Variants in IPO11 observed in about 807,000 individuals in gnomAD.
The protein encoded by IPO11 is importin 11.
In IPO11, 66 loss-of-function variants were observed where a neutral mutation model predicts 143.2. The ratio of observed to expected loss-of-function variants is 0.46; its 90% confidence interval spans 0.38 to 0.57. The LOEUF is 0.57. Among genes scored for constraint, IPO11 ranks in the 20% least tolerant of loss-of-function variants. The pLI is 0.00. For missense variants in IPO11, 1,026 were observed against 1,141.0 expected (o/e 0.90, Z 1.45); for synonymous variants, 385 against 377.8 (o/e 1.02, Z -0.22).
intron 1 of IPO11, among the ~76,000 whole-genome samples, chr5:62,423,319 G>A (rs1455361895): frequency 1.3e-5 from 2 of 152,126 alleles, no homozygotes; most frequent in Non-Finnish European, 2.9e-5. Flanking sequence ...TACATTTACT[G>A]AACATCCTTC....
At chr5:62,519,128 A>G (rs781454861) in intron 20 of IPO11, among the ~76,000 whole-genome samples, 2 of 152,206 alleles carry the variant, frequency 1.3e-5, no homozygotes, top group Non-Finnish European at 2.9e-5. Flanking sequence ...AAATAAAACA[A>G]GAAGTGTTAT....
intron 3 of IPO11, among the ~76,000 whole-genome samples, chr5:62,444,129 T>C (rs1360220868): frequency 1.3e-5 from 2 of 149,736 alleles, no homozygotes; most frequent in East Asian, 2.0e-4. Flanking sequence ...GGAGTCTCGC[T>C]CTGTTGCCCA....
At chr5:62,571,521 A>G (rs1414447839) in intron 27 of IPO11, among the ~76,000 whole-genome samples, 1 of 152,224 alleles carries the variant, frequency 6.6e-6, no homozygotes, top group Non-Finnish European at 1.5e-5. Context: ...CTTATTCAGT[A>G]GGTACATCTC....
chr5:62,556,155 A>G (rs1031549791), intron 26 of IPO11, among the ~76,000 whole-genome samples: 3 of 152,012 alleles, frequency 2.0e-5, no homozygotes, highest in Non-Finnish European at 2.9e-5. Flanking sequence ...CATCTTATTG[A>G]GTAATTAAAA....
At chr5:62,497,015 A>G (rs1185135903) in intron 16 of IPO11, among the ~76,000 whole-genome samples, 1 of 152,164 alleles carries the variant, frequency 6.6e-6, no homozygotes, top group Non-Finnish European at 1.5e-5. Flanking sequence ...CTGCTGTGTC[A>G]CAAGTATGTA....
At chr5:62,612,491 A>C (rs1241640250) in intron 29 of IPO11, among the ~76,000 whole-genome samples, 3 of 152,244 alleles carry the variant, frequency 2.0e-5, no homozygotes, top group Admixed American at 6.5e-5. Context: ...ATAATGCAAC[A>C]GATTGAATGC....
At chr5:62,579,699 A>G in intron 27 of IPO11, 2 of 1,548,584 alleles carry the variant, frequency 1.3e-6, no homozygotes, top group Non-Finnish European at 8.7e-7. Context: ...ATTCTCTTGT[A>G]GCATTGTATT....
chr5:62,526,540 C>T (rs770199869), intron 21 of IPO11: 5 of 254,464 alleles, frequency 2.0e-5, no homozygotes, highest in Non-Finnish European at 3.8e-5. Flanking sequence ...CAAAAAGTTA[C>T]TGACTTACAA....
intron 29 of IPO11, among the ~76,000 whole-genome samples, chr5:62,622,553 G>A (rs1002864689): frequency 2.0e-5 from 3 of 152,118 alleles, no homozygotes; most frequent in African/African-American, 7.2e-5. Context: ...ATATTGAAAC[G>A]TGAAGAAATA....
At chr5:62,571,031 A>G (rs1023514772) in intron 27 of IPO11, among the ~76,000 whole-genome samples, 7 of 152,272 alleles carry the variant, frequency 4.6e-5, no homozygotes, top group Admixed American at 1.3e-4. Flanking sequence ...CAACAAGGAT[A>G]ACACTAGAAA....
At chr5:62,422,170 A>G (rs1407107798) in intron 1 of IPO11, among the ~76,000 whole-genome samples, 2 of 152,136 alleles carry the variant, frequency 1.3e-5, no homozygotes, top group East Asian at 3.8e-4. Context: ...CTTGTTGCCC[A>G]GGCTGGAGTG....
chr5:62,462,301 T>A (rs1745387674), intron 5 of IPO11, among the ~76,000 whole-genome samples: 3 of 152,132 alleles, frequency 2.0e-5, no homozygotes, highest in African/African-American at 7.2e-5. Flanking sequence ...TTCCTTTTAT[T>A]CAGTCTTGTC....
chr5:62,534,716 A>T (rs1372005654), intron 22 of IPO11, among the ~76,000 whole-genome samples: 1 of 152,152 alleles, frequency 6.6e-6, no homozygotes, highest in Non-Finnish European at 1.5e-5. Context: ...TTTGCATTGA[A>T]GGATGTTTAA....
intron 28 of IPO11, among the ~76,000 whole-genome samples, chr5:62,594,474 C>T (rs771956528): frequency 3.2e-4 from 49 of 152,206 alleles, no homozygotes; most frequent in Non-Finnish European, 6.3e-4. Context: ...AGGATGAATT[C>T]TTCCTCATCC....
At position 62,423,849 on chromosome 5, in the gene IPO11, C is replaced by CT. The variant is rs530756230; in HGVS notation, c.-7+10922dup. Reference sequence around the variant, plus strand: ...TTTCTATTTTGATTATTGTAGAACTCTTCCCCGGTCTTCACAGAAATTAAT... The same window carrying CT: ...TTTCTATTTTGATTATTGTAGAACTCTTTCCCCGGTCTTCACAGAAATTAAT... On this transcript the variant is annotated intron_variant, in intron 1 of 29. Transcript: ENST00000325324. Among the ~76,000 whole-genome samples the CT allele has an allele frequency of 6.0e-4, 91 of 152,286 alleles. 1 individual carries two copies. The highest frequency in any genetic ancestry group is 2.0e-3 in the African/African-American group (82 of 41,568).
intron 29 of IPO11, among the ~76,000 whole-genome samples, chr5:62,606,198 G>A (rs944027082): frequency 4.6e-5 from 7 of 151,818 alleles, no homozygotes; most frequent in African/African-American, 1.7e-4. Flanking sequence ...GAGAAAAGTT[G>A]GGCCAGGCGT....
intron 2 of IPO11, among the ~76,000 whole-genome samples, chr5:62,442,282 T>C (rs564283259): frequency 6.6e-6 from 1 of 152,326 alleles, no homozygotes; most frequent in South Asian, 2.1e-4. Context: ...CTACTTTTTC[T>C]AATTTGGAAG....
At chr5:62,524,279 TCTA>T (rs1381111463) in intron 20 of IPO11, among the ~76,000 whole-genome samples, 2 of 152,088 alleles carry the variant, frequency 1.3e-5, no homozygotes, top group African/African-American at 4.8e-5. Flanking sequence ...GAATTAGTAT[TCTA>T]CTATAATTAC....
At chr5:62,477,415 C>T (rs1745999622) in intron 9 of IPO11, among the ~76,000 whole-genome samples, 1 of 152,104 alleles carries the variant, frequency 6.6e-6, no homozygotes, top group African/African-American at 2.4e-5. Context: ...GTAGGGGTTG[C>T]TTATTCCCTG....
Sources: gnomAD v4.1 joint callset for allele counts (sites outside exome capture counted in the v4.1 genomes callset) on GRCh38, gnomAD v4.1.1 for gene constraint, MANE v1.5 for transcripts, NCBI Gene and HGNC (gene_info 2026-07-23, HGNC 2026-07-21) for gene names.